The following ATXN1 variants were observed in gnomAD, a reference collection of about 807,000 sequenced individuals.
The protein encoded by ATXN1 is ataxin 1.
Under a neutral mutation model 56.4 loss-of-function variants are expected in ATXN1, and 8 were observed. That is an observed-to-expected ratio of 0.14 (90% CI 0.08 to 0.26). The LOEUF (loss-of-function observed/expected upper bound fraction) is 0.26, where lower values mean the gene tolerates loss of function less well. Among genes scored for constraint, ATXN1 ranks in the 10% least tolerant of loss-of-function variants. ATXN1 has a pLI of 1.00. For synonymous variants in ATXN1, 514 were observed against 494.6 expected (o/e 1.04, Z -0.52); for missense variants, 987 against 1,106.5 (o/e 0.89, Z 1.53).
At chr6:16,495,466 C>G (rs1760760698) in intron 5 of ATXN1, among the ~76,000 whole-genome samples, 3 of 152,164 alleles carry the variant, frequency 2.0e-5, no homozygotes, top group African/African-American at 7.2e-5. Flanking sequence ...AAAACACGAC[C>G]TTGGAAGCAT....
chr6:16,675,733 A>T lies in ATXN1; in HGVS notation c.-614-17832T>A, dbSNP rs528234405. On this transcript the variant is annotated intron_variant, in intron 2 of 7. Coordinates refer to ENST00000436367, the MANE Select transcript of ATXN1 (RefSeq NM_001128164.2). ...CCATCTCTACTAAAAAAAATATATA[A>T]AAAAAATTAGCCAGGCATTGTGGTG... Among the ~76,000 whole-genome samples, 20 of 151,880 alleles carry T rather than the reference A, an allele frequency of 1.3e-4. No homozygotes were observed. In the South Asian group the frequency reaches 2.9e-3, roughly 22 times the overall value.
At chr6:16,713,038 T>G (rs1313511339) in intron 2 of ATXN1, among the ~76,000 whole-genome samples, 1 of 152,230 alleles carries the variant, frequency 6.6e-6, no homozygotes, top group Non-Finnish European at 1.5e-5. Context: ...ATAATAAGCA[T>G]AGTTGATGAA....
At chr6:16,560,652 T>C (rs953624499) in intron 4 of ATXN1, among the ~76,000 whole-genome samples, 2 of 152,178 alleles carry the variant, frequency 1.3e-5, no homozygotes, top group African/African-American at 2.4e-5. Context: ...CAGACTCCAA[T>C]GAAGCTTCTC....
At chr6:16,505,808 C>A (rs140835064) in intron 5 of ATXN1, among the ~76,000 whole-genome samples, 1 of 152,292 alleles carries the variant, frequency 6.6e-6, no homozygotes, top group East Asian at 1.9e-4. Context: ...ACATAAACTA[C>A]TATGCGTCTA....
chr6:16,583,854 G>C (rs895541426), intron 4 of ATXN1, among the ~76,000 whole-genome samples: 3 of 152,112 alleles, frequency 2.0e-5, no homozygotes, highest in African/African-American at 7.2e-5. Context: ...TACTAGAGGA[G>C]GATGAAAAGA....
At chr6:16,644,714 T>C (rs1398712770) in intron 3 of ATXN1, among the ~76,000 whole-genome samples, 1 of 151,892 alleles carries the variant, frequency 6.6e-6, no homozygotes, top group South Asian at 2.1e-4. Flanking sequence ...CTCTCCAAAG[T>C]GGGTGAGAGT....
intron 6 of ATXN1, among the ~76,000 whole-genome samples, chr6:16,411,968 C>G (rs888152930): frequency 6.6e-6 from 1 of 152,196 alleles, no homozygotes; most frequent in Non-Finnish European, 1.5e-5. Context: ...AGCTCTCTCT[C>G]TCGCACTATC....
rs764946723 is a variant in ATXN1 at position 16,327,663 on chromosome 6, C to CTGCTGCTGCTGCTGATGCTGA, written c.627_647dup (p.His209_Gln215dup). ...GCTGCTGCTGCTGCTGCTGCTGCTGCTGCTGCTGCTGCTGATGCTGATGCT... is the reference window on the plus strand; with the variant it reads ...GCTGCTGCTGCTGCTGCTGCTGCTGCTGCTGCTGCTGCTGATGCTGATGCTGCTGCTGCTGATGCTGATGCT... On this transcript the variant is annotated inframe_insertion, in exon 7 of 8. Coordinates refer to ENST00000436367, the MANE Select transcript of ATXN1 (RefSeq NM_001128164.2). 52 of 1,523,430 alleles carry CTGCTGCTGCTGCTGATGCTGA rather than the reference C, an allele frequency of 3.4e-5. No individual in the cohort carries two copies. The African/African-American group carries it at 7.7e-4, about 22-fold the overall frequency. 94.4% of individuals were successfully genotyped at this position (1,523,430 alleles called of 1,614,324 possible).
intron 6 of ATXN1, among the ~76,000 whole-genome samples, chr6:16,368,077 G>A (rs1761963247): frequency 6.6e-6 from 1 of 151,902 alleles, no homozygotes; most frequent in Non-Finnish European, 1.5e-5. Flanking sequence ...GCCTGAGGCA[G>A]GACAATTGCT....
intron 6 of ATXN1, among the ~76,000 whole-genome samples, chr6:16,350,125 T>C (rs1761535442): frequency 6.6e-6 from 1 of 152,146 alleles, no homozygotes; most frequent in Admixed American, 6.5e-5. Flanking sequence ...GGCAATAAAA[T>C]ATTTAATGGA....
intron 5 of ATXN1, among the ~76,000 whole-genome samples, chr6:16,510,238 A>G (rs1033038859): frequency 1.3e-4 from 20 of 152,184 alleles, no homozygotes; most frequent in Non-Finnish European, 2.5e-4. Context: ...TCCTGGGACC[A>G]GCAGCATCTC....
intron 5 of ATXN1, among the ~76,000 whole-genome samples, chr6:16,491,581 G>A (rs368102396): frequency 1.7e-3 from 252 of 152,178 alleles, no homozygotes; most frequent in African/African-American, 5.4e-3. Flanking sequence ...ACAGGTGTGA[G>A]CCATGGCGCC....
chr6:16,323,525 CAAAAAAAAAAAAAAAAA>C (rs35308265), intron 7 of ATXN1, among the ~76,000 whole-genome samples: 22 of 48,846 alleles, frequency 4.5e-4, no homozygotes, highest in African/African-American at 1.8e-3. Flanking sequence ...ACTCTGTCTC[CAAAAAAAAAAAAAAAAA>C]AAAAAAAAAA....
intron 6 of ATXN1, among the ~76,000 whole-genome samples, chr6:16,468,947 T>G (rs76525317): frequency 6.6e-6 from 1 of 151,770 alleles, no homozygotes; most frequent in Non-Finnish European, 1.5e-5. Context: ...CAGAGGTTGA[T>G]CCACTCATCT....
chr6:16,318,013 T>A (rs935546474), intron 7 of ATXN1, among the ~76,000 whole-genome samples: 14 of 152,178 alleles, frequency 9.2e-5, no homozygotes, highest in African/African-American at 3.1e-4. Context: ...TCAATAAAAT[T>A]CCTTTCACCA....
intron 5 of ATXN1, among the ~76,000 whole-genome samples, chr6:16,495,734 G>A (rs1192547606): frequency 6.6e-6 from 1 of 152,028 alleles, no homozygotes; most frequent in Non-Finnish European, 1.5e-5. Flanking sequence ...ATGGTGGCAG[G>A]CGCCTGTAGT....
intron 5 of ATXN1, among the ~76,000 whole-genome samples, chr6:16,508,314 GT>G (rs1761018011): frequency 6.6e-6 from 1 of 152,136 alleles, no homozygotes; most frequent in South Asian, 2.1e-4. Context: ...GAAGAAAGCA[GT>G]ATGTCTAAAT....
chr6:16,493,779 C>T (rs1760716228), intron 5 of ATXN1, among the ~76,000 whole-genome samples: 1 of 152,186 alleles, frequency 6.6e-6, no homozygotes, highest in South Asian at 2.1e-4. Context: ...AATGGAAGAA[C>T]ACCCTTTTGG....
chr6:16,484,897 G>T (rs1179104021), intron 6 of ATXN1, among the ~76,000 whole-genome samples: 2 of 149,272 alleles, frequency 1.3e-5, no homozygotes, highest in African/African-American at 2.5e-5. Flanking sequence ...GGTAATACAT[G>T]TTCAAAAAAG....
Sources: gnomAD v4.1 joint callset for allele counts (sites outside exome capture counted in the v4.1 genomes callset) on GRCh38, gnomAD v4.1.1 for gene constraint, MANE v1.5 for transcripts, NCBI Gene and HGNC (gene_info 2026-07-23, HGNC 2026-07-21) for gene names.